The following SDCCAG8 variants were observed in gnomAD, a reference collection of about 807,000 sequenced individuals.
The protein encoded by SDCCAG8 is serologically defined colon cancer antigen 8.
A neutral mutation model predicts 101.8 loss-of-function variants in SDCCAG8; 74 were observed. The observed-to-expected ratio is 0.73, with a 90% CI of 0.60 to 0.88. SDCCAG8 has a LOEUF of 0.88. Ranked by LOEUF, SDCCAG8 falls within the 40% of genes least tolerant of loss-of-function variation. The pLI is 0.00. For missense variants in SDCCAG8, 787 were observed against 822.6 expected (o/e 0.96, Z 0.53); for synonymous variants, 281 against 292.9 (o/e 0.96, Z 0.41).
chr1:243,349,928 C>T (rs1047074326), intron 12 of SDCCAG8, among the ~76,000 whole-genome samples: 1 of 151,182 alleles, frequency 6.6e-6, no homozygotes, highest in Non-Finnish European at 1.5e-5. Flanking sequence ...TTTAATGGAG[C>T]AATCAAAGCA....
intron 13 of SDCCAG8, among the ~76,000 whole-genome samples, chr1:243,398,210 T>G (rs1442654297): frequency 6.6e-6 from 1 of 152,168 alleles, no homozygotes; most frequent in African/African-American, 2.4e-5. Context: ...TCAAATAGAT[T>G]ACGTTTGATT....
intron 1 of SDCCAG8, among the ~76,000 whole-genome samples, chr1:243,262,173 C>T (rs2067246116): frequency 6.9e-6 from 1 of 145,468 alleles, no homozygotes; most frequent in African/African-American, 2.5e-5. Context: ...GTGATGTGAT[C>T]TTGGCTCACT....
intron 16 of SDCCAG8, among the ~76,000 whole-genome samples, chr1:243,470,892 A>G (rs1661119465): frequency 6.6e-6 from 1 of 152,142 alleles, no homozygotes; most frequent in African/African-American, 2.4e-5. Flanking sequence ...TATAGCATCA[A>G]CAAGCAAAAG....
intron 9 of SDCCAG8, among the ~76,000 whole-genome samples, chr1:243,324,596 T>C (rs1238969435): frequency 6.6e-6 from 1 of 151,540 alleles, no homozygotes; most frequent in Admixed American, 6.6e-5. Flanking sequence ...AGTGCTGGGA[T>C]TACAGGTGTG....
chr1:243,374,424 A>G (rs149314668), intron 12 of SDCCAG8, among the ~76,000 whole-genome samples: 70 of 152,240 alleles, frequency 4.6e-4, no homozygotes, highest in Non-Finnish European at 8.5e-4. Context: ...AAGGAAAAAG[A>G]GATGACTGTA....
At chr1:243,356,121 A>G (rs2076364692) in intron 12 of SDCCAG8, among the ~76,000 whole-genome samples, 1 of 152,228 alleles carries the variant, frequency 6.6e-6, no homozygotes, top group African/African-American at 2.4e-5. Context: ...GCAAGGTTTT[A>G]TATAATAAGA....
intron 12 of SDCCAG8, among the ~76,000 whole-genome samples, chr1:243,376,207 G>A (rs1427742983): frequency 6.6e-6 from 1 of 152,142 alleles, no homozygotes; most frequent in African/African-American, 2.4e-5. Flanking sequence ...CAGTAATAAT[G>A]ATATTTGCTG....
At chr1:243,428,377 A>C (rs1284619084) in intron 16 of SDCCAG8, among the ~76,000 whole-genome samples, 1 of 152,244 alleles carries the variant, frequency 6.6e-6, no homozygotes, top group African/African-American at 2.4e-5. Flanking sequence ...TGGAGTATAC[A>C]TCCTTATAGG....
intron 16 of SDCCAG8, among the ~76,000 whole-genome samples, chr1:243,457,831 G>A (rs1658121096): frequency 6.6e-6 from 1 of 152,192 alleles, no homozygotes; most frequent in Admixed American, 6.5e-5. Flanking sequence ...ATCAAGGGTG[G>A]TTATTACCAT....
At position 243,324,315 on chromosome 1, in the gene SDCCAG8, C is replaced by T. The variant is rs1284052630; in HGVS notation, c.1069-6225C>T. Among the ~76,000 whole-genome samples the T allele has an allele frequency of 3.9e-5, 6 of 152,210 alleles. No homozygotes were observed. In the South Asian group the frequency reaches 8.3e-4, roughly 21 times the overall value. On this transcript the variant is annotated intron_variant, in intron 9 of 17. Transcript: ENST00000366541. Reference sequence around the variant, plus strand: ...CTGGCTTGCATTCTTTAAAACATCTCGGTTCTTCCCTATGCTTGCTCTTGA... The same window carrying T: ...CTGGCTTGCATTCTTTAAAACATCTTGGTTCTTCCCTATGCTTGCTCTTGA...
intron 16 of SDCCAG8, among the ~76,000 whole-genome samples, chr1:243,452,352 C>T (rs1004058654): frequency 6.6e-6 from 1 of 151,086 alleles, no homozygotes; most frequent in South Asian, 2.1e-4. Flanking sequence ...GAGTTAGACT[C>T]CTCTATCTCT....
At chr1:243,268,115 C>T in intron 1 of SDCCAG8, 2 of 685,230 alleles carry the variant, frequency 2.9e-6, no homozygotes. Context: ...CTTTTGCTTC[C>T]TCATGGTCAC....
At chr1:243,467,113 C>A (rs1299778214) in intron 16 of SDCCAG8, among the ~76,000 whole-genome samples, 1 of 152,246 alleles carries the variant, frequency 6.6e-6, no homozygotes, top group East Asian at 1.9e-4. Flanking sequence ...CATCTCCATT[C>A]ACAACCTATT....
At chr1:243,375,897 G>A (rs1004845997) in intron 12 of SDCCAG8, among the ~76,000 whole-genome samples, 1 of 152,142 alleles carries the variant, frequency 6.6e-6, no homozygotes, top group Non-Finnish European at 1.5e-5. Context: ...AGTAAGTGTT[G>A]AGCCCTGGTC....
At chr1:243,459,470 A>G (rs1439765180) in intron 16 of SDCCAG8, among the ~76,000 whole-genome samples, 1 of 151,740 alleles carries the variant, frequency 6.6e-6, no homozygotes, top group Non-Finnish European at 1.5e-5. Flanking sequence ...GCCAGAAACA[A>G]GTCACTGAAG....
chr1:243,488,623 C>T (rs1234664168), intron 16 of SDCCAG8, among the ~76,000 whole-genome samples: 1 of 152,182 alleles, frequency 6.6e-6, no homozygotes, highest in South Asian at 2.1e-4. Context: ...TTCCACGGCC[C>T]TCACCCACTT....
chr1:243,469,082 A>G (rs150321115), intron 16 of SDCCAG8, among the ~76,000 whole-genome samples: 258 of 152,324 alleles, frequency 1.7e-3, no homozygotes, highest in African/African-American at 5.9e-3. Flanking sequence ...TCATGCTCAG[A>G]TTTCGACCCA....
chr1:243,397,049 A>G (rs1374230402), intron 13 of SDCCAG8, among the ~76,000 whole-genome samples: 2 of 152,220 alleles, frequency 1.3e-5, no homozygotes, highest in African/African-American at 4.8e-5. Flanking sequence ...AGAGGAGGAA[A>G]TGTTCAGTGG....
rs1224278941 is a variant in SDCCAG8 at position 243,458,491 on chromosome 1, C to A, written c.1986-30523C>A. On this transcript the variant is annotated intron_variant, in intron 16 of 17. Transcript: ENST00000366541. This position sits in a 1 kb window ranked among gnomAD's most constrained non-coding sequence, Gnocchi z 4.5. The stretch of plus-strand genomic sequence containing the variant: ...TTAGAGCGTGCTTGCTATGTACCAG[C>A]TCCTCTTCTAAGCACTTACCTTTTA... Among the ~76,000 whole-genome samples, 1 of 152,138 alleles carries A rather than the reference C, an allele frequency of 6.6e-6. No homozygotes were observed. Among genetic ancestry groups the A allele is most frequent in the Non-Finnish European group, 1.5e-5 (1 of 68,024 alleles).
Sources: allele counts gnomAD v4.1 joint callset (sites outside exome capture counted in the v4.1 genomes callset), GRCh38; gene constraint gnomAD v4.1.1; non-coding constraint Gnocchi (gnomAD v3.1); transcripts MANE v1.5; gene names NCBI Gene and HGNC (gene_info 2026-07-23, HGNC 2026-07-21).